CNTN3: variants seen among roughly 807,000 people sequenced by gnomAD.
CNTN3 encodes contactin-3.
In CNTN3, 60 loss-of-function variants were observed where a neutral mutation model predicts 119.1. The ratio of observed to expected loss-of-function variants is 0.50; its 90% CI spans 0.41 to 0.62. CNTN3 has a LOEUF of 0.62. Ranked by LOEUF, CNTN3 falls within the 20% of genes least tolerant of loss-of-function variation. The pLI is 0.00. For synonymous variants in CNTN3, 450 were observed against 438.7 expected (o/e 1.03, Z -0.32); for missense variants, 1,101 against 1,242.4 (o/e 0.89, Z 1.71).
intron 5 of CNTN3, among the ~76,000 whole-genome samples, chr3:74,397,752 G>C (rs907885313): frequency 2.0e-5 from 3 of 152,138 alleles, no homozygotes; most frequent in Non-Finnish European, 4.4e-5. Flanking sequence ...TTCTGGGAAG[G>C]ACTCATCATC....
intron 5 of CNTN3, among the ~76,000 whole-genome samples, chr3:74,403,297 G>A (rs930133541): frequency 7.2e-5 from 11 of 152,084 alleles, no homozygotes; most frequent in Non-Finnish European, 1.6e-4. Context: ...CAGAATATAA[G>A]GTAGGAGTAA....
At chr3:74,418,341 C>CTTTTTTTT (rs1491331832) in intron 5 of CNTN3, among the ~76,000 whole-genome samples, 3 of 47,944 alleles carry the variant, frequency 6.3e-5, no homozygotes, top group African/African-American at 2.6e-4. Context: ...AAAACATATT[C>CTTTTTTTT]CTTTTTTTTT....
intron 1 of CNTN3, among the ~76,000 whole-genome samples, chr3:74,584,291 T>C (rs148790333): frequency 1.3e-5 from 2 of 152,300 alleles, no homozygotes; most frequent in Non-Finnish European, 2.9e-5. Flanking sequence ...AGATAATATA[T>C]AGGAAAACAG....
intron 5 of CNTN3, among the ~76,000 whole-genome samples, chr3:74,407,847 G>T (rs538836711): frequency 1.3e-5 from 2 of 152,268 alleles, no homozygotes; most frequent in South Asian, 4.1e-4. Context: ...TCCATTGAAA[G>T]GTATCTCATT....
At chr3:74,374,924 A>G (rs1037628219) in intron 5 of CNTN3, among the ~76,000 whole-genome samples, 9 of 152,162 alleles carry the variant, frequency 5.9e-5, no homozygotes, top group African/African-American at 2.2e-4. Flanking sequence ...ACAACCATTC[A>G]ATGCAAAATT....
chr3:74,465,200 T>C (rs551254263), intron 4 of CNTN3, among the ~76,000 whole-genome samples: 97 of 152,330 alleles, frequency 6.4e-4, no homozygotes, highest in African/African-American at 2.1e-3. Context: ...ACAGCAGGCC[T>C]GTAAGCTAAC....
intron 1 of CNTN3, among the ~76,000 whole-genome samples, chr3:74,605,042 CAAAT>C (rs1437363764): frequency 6.6e-6 from 1 of 152,102 alleles, no homozygotes; most frequent in Non-Finnish European, 1.5e-5. Flanking sequence ...ATAAGCCAGA[CAAAT>C]AAAGACAAAT....
rs138292703 is a variant in CNTN3, at chr3:74,433,415, G to T, written c.359-8475C>A. 1.9e-4 allele frequency among the ~76,000 whole-genome samples: 29 copies of T among 152,212 alleles called. No individual in the cohort carries two copies. The East Asian group carries it at 4.2e-3, about 22-fold the overall frequency. ...AGCCTTTTGCGAGATTTTAAAACAG[G>T]TGTGCATTGTAAGTCTCCAAGCAGA... On this transcript the variant is annotated intron_variant, in intron 4 of 22. Transcript: ENST00000263665.
intron 11 of CNTN3, among the ~76,000 whole-genome samples, chr3:74,339,506 G>T (rs994104739): frequency 2.0e-5 from 3 of 151,958 alleles, no homozygotes; most frequent in East Asian, 3.9e-4. Flanking sequence ...AGTTAGATTC[G>T]ATTTTCCTGT....
intron 1 of CNTN3, among the ~76,000 whole-genome samples, chr3:74,612,582 A>T (rs1217633776): frequency 1.3e-5 from 2 of 152,124 alleles, no homozygotes; most frequent in African/African-American, 4.8e-5. Context: ...TACCCTGCAT[A>T]TCAATTAGAC....
chr3:74,502,796 C>T (rs779795070), intron 2 of CNTN3, among the ~76,000 whole-genome samples: 1 of 152,060 alleles, frequency 6.6e-6, no homozygotes. Flanking sequence ...CATTATACAC[C>T]CTTCATTTCC....
chr3:74,517,392 G>T (rs1406469276), intron 2 of CNTN3, among the ~76,000 whole-genome samples: 1 of 151,800 alleles, frequency 6.6e-6, no homozygotes, highest in East Asian at 1.9e-4. Context: ...CAAAGCCTTG[G>T]TGTGGATGTT....
intron 5 of CNTN3, among the ~76,000 whole-genome samples, chr3:74,397,376 CT>C (rs1705082426): frequency 6.6e-6 from 1 of 152,090 alleles, no homozygotes; most frequent in African/African-American, 2.4e-5. Flanking sequence ...GTTTACATGC[CT>C]GCAAATACAT....
rs1285195080 is a variant in CNTN3 at position 74,344,396 on chromosome 3, GGTTTTTTTTTTTTTTTTTTTTTTTTTTT to G, written c.1365-7766_1365-7739del. ...TAGTTCATTTACAACCTTACACAGT[GGTTTTTTTTTTTTTTTTTTTTTTTTTTT>G]TTTTTTTTTTTTTTTTTTTGAGACG... is the stretch of plus-strand genomic sequence containing the variant. On this transcript the variant is annotated intron_variant, in intron 11 of 22. Coordinates refer to ENST00000263665, the MANE Select transcript of CNTN3 (RefSeq NM_020872.3). Among the ~76,000 whole-genome samples the G allele has an allele frequency of 2.2e-4, 19 of 87,828 alleles. 2 individuals carry two copies. The highest frequency in any genetic ancestry group is 8.5e-4 in the Admixed American group (7 of 8,204). 57.6% of individuals were successfully genotyped at this position (87,828 alleles called of 152,430 possible). A position where few individuals can be genotyped will look rare whatever the true frequency, so the allele number is the denominator to read the frequency against.
At chr3:74,414,355 C>T (rs1478477593) in intron 5 of CNTN3, among the ~76,000 whole-genome samples, 1 of 152,148 alleles carries the variant, frequency 6.6e-6, no homozygotes, top group African/African-American at 2.4e-5. Flanking sequence ...TTAAAATGTC[C>T]TACCTAATAA....
intron 13 of CNTN3, among the ~76,000 whole-genome samples, chr3:74,329,509 G>A (rs72894316): frequency 0.033 from 5,000 of 152,150 alleles, 257 homozygotes; most frequent in African/African-American, 0.11. Context: ...GTGTGTTTAC[G>A]TCCAAAAGTT....
At chr3:74,419,092 T>C (rs1701577073) in intron 5 of CNTN3, among the ~76,000 whole-genome samples, 1 of 152,154 alleles carries the variant, frequency 6.6e-6, no homozygotes, top group Non-Finnish European at 1.5e-5. Context: ...CCACCGCACC[T>C]GGCCTGTTTT....
At chr3:74,370,958 C>T (rs1704321423) in intron 6 of CNTN3, among the ~76,000 whole-genome samples, 2 of 152,038 alleles carry the variant, frequency 1.3e-5, no homozygotes, top group Admixed American at 1.3e-4. Context: ...AAAAAGGGGC[C>T]ACTCATTTTT....
At chr3:74,414,049 ATC>A (rs1701480690) in intron 5 of CNTN3, among the ~76,000 whole-genome samples, 2 of 152,184 alleles carry the variant, frequency 1.3e-5, no homozygotes, top group African/African-American at 4.8e-5. Flanking sequence ...GAGGTGCTCA[ATC>A]TCTGTGAGCA....
Sources: allele counts gnomAD v4.1 joint callset (sites outside exome capture counted in the v4.1 genomes callset), GRCh38; gene constraint gnomAD v4.1.1; transcripts MANE v1.5; gene names NCBI Gene and HGNC (gene_info 2026-07-23, HGNC 2026-07-21).